SLC26A6: variants seen among roughly 807,000 people sequenced by gnomAD.
The protein encoded by SLC26A6 is anion exchange transporter.
SLC26A6 carries 67 observed loss-of-function variants against 87.1 expected under a neutral mutation model. That is an observed-to-expected ratio of 0.77 (90% CI 0.63 to 0.94). The LOEUF (loss-of-function observed/expected upper bound fraction) is 0.94. Ranked by LOEUF, SLC26A6 falls within the 40% of genes least tolerant of loss-of-function variation. The pLI is 0.00. For missense variants in SLC26A6, 902 were observed against 973.0 expected (o/e 0.93, Z 0.97); for synonymous variants, 414 against 405.9 (o/e 1.02, Z -0.24).
rs1448235682 is a variant in SLC26A6, at chr3:48,633,288, T to C, written c.285A>G (p.Leu95=). ...PVRDWLLGDL[L]SGLSVAIMQL... ...GCATGATGGCCACACTCAGGCCGGA[T>C]AACAGGTCACCCAGGAGCCAGTCAC... The change falls in exon 3 of 21, where the codon TTA becomes TTG. Residue 95 remains leucine, a synonymous_variant. Transcript: ENST00000395550. The C allele has an allele frequency of 6.2e-7, 1 of 1,613,418 alleles. No individual in the cohort carries two copies. Among genetic ancestry groups the C allele is most frequent in the Admixed American group, 1.7e-5 (1 of 60,004 alleles).
chr3:48,631,410 T>C (rs1387550015), intron 7 of SLC26A6, 104 bp from the exon 8 acceptor site: 24 of 1,333,988 alleles, frequency 1.8e-5, no homozygotes, highest in Admixed American at 2.8e-5. Context: ...AAAACCTTCT[T>C]CGAGGGTGGG....
At position 48,626,636 on chromosome 3, in the gene SLC26A6, C is replaced by G. The variant is rs1411574705; in HGVS notation, c.2123G>C (p.Cys708Ser). 3 of 1,614,098 alleles carry G rather than the reference C, an allele frequency of 1.9e-6. No individual in the cohort carries two copies. Among genetic ancestry groups the G allele is most frequent in the African/African-American group, 1.3e-5 (1 of 74,924 alleles). Residue 708 changes from cysteine to serine, a missense_variant, in exon 19 of 21, where the codon TGC (cysteine) becomes TCC (serine). Transcript: ENST00000395550. Reference sequence around the variant, plus strand: ...GCTGTTCCCACCCTACTCACTGTGGCAGGCCGCCATGTACACCTCCACCTC... The same window carrying G: ...GCTGTTCCCACCCTACTCACTGTGGGAGGCCGCCATGTACACCTCCACCTC... ...EIEVEVYMAA[C>S]HSPVVSQLEA... is the part of the protein sequence containing the mutation.
Position 48,625,839 on chromosome 3 carries a change from T to G in SLC26A6, c.*147A>C. 5 of 1,026,176 alleles carry G rather than the reference T, an allele frequency of 4.9e-6. No individual in the cohort carries two copies. Among genetic ancestry groups the G allele is most frequent in the Non-Finnish European group, 5.8e-6 (4 of 692,184 alleles). The allele number at this position is 1,026,176 out of a possible 1,614,324, so 63.6% of individuals were successfully genotyped here. A position where few individuals can be genotyped will look rare whatever the true frequency, so the allele number is the denominator to read the frequency against. On this transcript the variant is annotated 3_prime_UTR_variant, in exon 21 of 21. Coordinates refer to ENST00000395550, the MANE Select transcript of SLC26A6 (RefSeq NM_022911.3). This position sits in a 1 kb window ranked among gnomAD's most constrained non-coding sequence, Gnocchi z 4.7. ...TGTCCCAGACCTGGAGCGCTGAACT[T>G]GGAGTCCCAGGACCTCCTTCCCTGA... is the stretch of plus-strand genomic sequence containing the variant.
intron 1 of SLC26A6, 71 bp from the exon 2 acceptor site, chr3:48,633,706 G>A (rs1327861774): frequency 1.3e-6 from 2 of 1,571,016 alleles, no homozygotes; most frequent in South Asian, 1.2e-5. Context: ...CTCCACCTAG[G>A]ACCAGAGAGT....
chr3:48,630,744 G>A, intron 9 of SLC26A6, 24 bp from the exon 10 acceptor site: 2 of 1,579,292 alleles, frequency 1.3e-6, no homozygotes, highest in African/African-American at 1.3e-5. Flanking sequence ...GTACGGGTGT[G>A]AGAAGACTTC....
Position 48,633,103 on chromosome 3 carries a change from C to A in SLC26A6, c.323-19G>T. 6.2e-7 allele frequency: 1 copy of A among 1,604,090 alleles called. No homozygotes were observed. The highest frequency in any genetic ancestry group is 8.5e-7 in the Non-Finnish European group (1 of 1,174,862). On this transcript the variant is annotated intron_variant, in intron 3 of 20. Transcript: ENST00000395550. ...GCCAAGCCTAGGGGTAGAATGGTAGCAGTGCAGGCCTGGAGAGCAGATCTT... is the reference window on the plus strand; with the variant it reads ...GCCAAGCCTAGGGGTAGAATGGTAGAAGTGCAGGCCTGGAGAGCAGATCTT...
intron 4 of SLC26A6, 97 bp from the exon 5 acceptor site, chr3:48,632,493 G>C: frequency 6.8e-7 from 1 of 1,481,398 alleles, no homozygotes; most frequent in Non-Finnish European, 9.2e-7. Context: ...TTCCAGTTCT[G>C]GATAAATGTA....
chr3:48,630,982 A>G lies in SLC26A6; in HGVS notation c.1134+11T>C. 3 of 1,613,534 alleles carry G rather than the reference A, an allele frequency of 1.9e-6. No individual in the cohort carries two copies. Among genetic ancestry groups the G allele is most frequent in the Non-Finnish European group, 2.5e-6 (3 of 1,179,914 alleles). ...CTTGGATGCCTCCTACACATCCCGC[A>G]TCACCCAGACCTGGTTGCTGTCCAC... On this transcript the variant is annotated intron_variant, in intron 9 of 20. Transcript: ENST00000395550.
chr3:48,631,156 G>C lies in SLC26A6; in HGVS notation c.987-16C>G, dbSNP rs1166608404. ...GGGCACCAGCCTGTGAGAGGTATCTGTGAGGCCAAAGCAAGGTCCTGTCCT... is the reference window on the plus strand; with the variant it reads ...GGGCACCAGCCTGTGAGAGGTATCTCTGAGGCCAAAGCAAGGTCCTGTCCT... On this transcript the variant is annotated splice_polypyrimidine_tract_variant and intron_variant, in intron 8 of 20. Transcript: ENST00000395550. 8 of 1,613,670 alleles carry C rather than the reference G, an allele frequency of 5.0e-6. No homozygotes were observed. Among genetic ancestry groups the C allele is most frequent in the Non-Finnish European group, 6.8e-6 (8 of 1,179,940 alleles).
Position 48,628,162 on chromosome 3 carries a change from G to T in SLC26A6, c.1801-124C>A. On this transcript the variant is annotated intron_variant, in intron 16 of 20. Coordinates refer to ENST00000395550, the MANE Select transcript of SLC26A6 (RefSeq NM_022911.3). The surrounding 1 kb of genome is among the most constrained non-coding windows in gnomAD (Gnocchi z 4.4). ...GGTGGGCCAGGACCAGAAGCTGTGG[G>T]ACCTGCAGCAGCCAGGCTGAAGCTC... is the stretch of plus-strand genomic sequence containing the variant. 1.1e-6 allele frequency: 1 copy of T among 927,992 alleles called. No homozygotes were observed. Among genetic ancestry groups the T allele is most frequent in the Non-Finnish European group, 1.6e-6 (1 of 617,324 alleles). The allele number at this position is 927,992 out of a possible 1,614,324, so 57.5% of individuals were successfully genotyped here.
At chr3:48,635,085 C>T (rs893052276) in intron 1 of SLC26A6, among the ~76,000 whole-genome samples, 4 of 152,234 alleles carry the variant, frequency 2.6e-5, no homozygotes, top group African/African-American at 9.6e-5. Context: ...CCCCCGCCGG[C>T]ACATCTCCTG....
Position 48,631,714 on chromosome 3 carries a change from C to G in SLC26A6, c.838G>C (p.Val280Leu). ...AAVAGVVLVV[V>L]KLLNDKLQQQ... ...TGCAGCTTGTCATTCAACAGCTTCA[C>G]CACCACGAGCACCACCCCAGCCACA... Residue 280 changes from valine to leucine, a missense_variant, in exon 7 of 21, where the codon GTG (valine) becomes CTG (leucine). Val to Leu is a conservative substitution (Grantham distance 32, BLOSUM62 1). Around this residue, in one of 3 missense-constraint regions of SLC26A6, gnomAD observed 800 missense variants for 856.8 expected, o/e 0.93. Coordinates refer to ENST00000395550, the MANE Select transcript of SLC26A6 (RefSeq NM_022911.3). 1 of 1,613,288 alleles carries G rather than the reference C, an allele frequency of 6.2e-7. No homozygotes were observed. The highest frequency in any genetic ancestry group is 1.1e-5 in the South Asian group (1 of 91,090).
chr3:48,626,316 C>T lies in SLC26A6; in HGVS notation c.2167G>A (p.Asp723Asn), dbSNP rs755812703. 22 of 1,613,842 alleles carry T rather than the reference C, an allele frequency of 1.4e-5. No homozygotes were observed. In the South Asian group the frequency reaches 1.5e-4, roughly 11 times the overall value. ...AGATGCTTCTTGGTGATGGATGCAT[C>T]GAAGAAGTGCCCAGCCTCAAGCTGG... ...VSQLEAGHFF[D>N]ASITKKHLFA... The change falls in exon 20 of 21, where the codon GAT (aspartate) becomes AAT (asparagine). Residue 723 changes from aspartate to asparagine, a missense_variant. This residue lies in a region of SLC26A6 where 99 missense variants were observed against 100.1 expected (regional missense o/e 0.99). Coordinates refer to ENST00000395550, the MANE Select transcript of SLC26A6 (RefSeq NM_022911.3).
At position 48,630,844 on chromosome 3, in the gene SLC26A6, TGTCCCACACGTCCTGCTCTCCCACCCTCA is replaced by T. The variant is rs1358155951; in HGVS notation, c.1134+120_1135-125del. The T allele has an allele frequency of 3.1e-5, 46 of 1,496,906 alleles. No homozygotes were observed. The South Asian group carries it at 4.7e-4, about 15-fold the overall frequency. 92.7% of individuals were successfully genotyped at this position (1,496,906 alleles called of 1,614,324 possible). A position where few individuals can be genotyped will look rare whatever the true frequency, so the allele number is the denominator to read the frequency against. On this transcript the variant is annotated intron_variant, in intron 9 of 20. Transcript: ENST00000395550. ...CAAGTGGCCCCCAGAGACTGGATGC[TGTCCCACACGTCCTGCTCTCCCACCCTCA>T]GTCCCCCACGTGGCCTCAGCACATC...
Position 48,631,907 on chromosome 3 carries a change from G to T in SLC26A6, c.723C>A (p.Ser241Arg). The T allele has an allele frequency of 2.5e-6, 4 of 1,613,586 alleles. No individual in the cohort carries two copies. The highest frequency in any genetic ancestry group is 3.4e-6 in the Non-Finnish European group (4 of 1,180,032). The change falls in exon 6 of 21, where the codon AGC (serine) becomes AGA (arginine). Residue 241 changes from serine to arginine, a missense_variant. Ser to Arg is a moderately radical substitution (Grantham distance 110). Transcript: ENST00000395550. ...AGATGAGGGACAGTGGCCCAGAGTG[G>T]CTGCTCAGATGGAGGCCAAACACAT... The part of the protein sequence containing the change: ...LKYVFGLHLS[S>R]HSGPLSLIYT...
At chr3:48,631,466 G>A (rs2046789898) in intron 7 of SLC26A6, 160 bp from the exon 8 acceptor site, 1 of 1,092,576 alleles carries the variant, frequency 9.2e-7, no homozygotes, top group South Asian at 1.6e-5. Flanking sequence ...TTTCGGCTAT[G>A]GGGAGATGCT....
rs1053161320 is a variant in SLC26A6, at chr3:48,631,714, C to A, written c.838G>T (p.Val280Leu). Residue 280 changes from valine (V) to leucine (L), a missense_variant, in exon 7 of 21, where the codon GTG becomes TTG. Around this residue, in one of 3 missense-constraint regions of SLC26A6, gnomAD observed 800 missense variants for 856.8 expected, o/e 0.93. Coordinates refer to ENST00000395550, the MANE Select transcript of SLC26A6 (RefSeq NM_022911.3). The stretch of plus-strand genomic sequence containing the variant: ...TGCAGCTTGTCATTCAACAGCTTCA[C>A]CACCACGAGCACCACCCCAGCCACA... The part of the protein sequence containing the change: ...AAVAGVVLVV[V>L]KLLNDKLQQQ... 4.3e-5 allele frequency: 69 copies of A among 1,613,288 alleles called. 1 individual carries two copies. The highest frequency in any genetic ancestry group is 5.4e-5 in the Non-Finnish European group (64 of 1,180,002).
Position 48,633,579 on chromosome 3 carries a change from C to G in SLC26A6, c.80G>C (p.Arg27Pro). The G allele has an allele frequency of 6.2e-7, 1 of 1,613,560 alleles. No individual in the cohort carries two copies. The highest frequency in any genetic ancestry group is 1.6e-4 in the Middle Eastern group (1 of 6,062). ...SATQAMDLRRRDYHMERPLLN... is the reference protein window; with the variant it reads ...SATQAMDLRRPDYHMERPLLN... The stretch of plus-strand genomic sequence containing the variant: ...CAGCGGCCGTTCCATGTGGTAGTCT[C>G]GCCTCCGCAGGTCCATTGCTTGTGT... Residue 27 changes from arginine (R) to proline (P), a missense_variant, in exon 2 of 21, where the codon CGA (arginine) becomes CCA (proline). Arg to Pro is a moderately radical substitution (Grantham distance 103). Around this residue, in one of 3 missense-constraint regions of SLC26A6, gnomAD observed 800 missense variants for 856.8 expected, o/e 0.93. Transcript: ENST00000395550.
In SLC26A6 at chr3:48,626,430, C is replaced by T. The variant is rs903633460; in HGVS notation, c.2129-76G>A. ...AACTCCCGGGAGCCAACAGAATGCC[C>T]TGACCTCATCACCCCTGACCTCCAC... On this transcript the variant is annotated intron_variant, in intron 19 of 20. Transcript: ENST00000395550. 1.1e-5 allele frequency: 17 copies of T among 1,601,054 alleles called. No individual in the cohort carries two copies. In the South Asian group the frequency reaches 1.3e-4, roughly 13 times the overall value.
Sources: allele counts gnomAD v4.1 joint callset (sites outside exome capture counted in the v4.1 genomes callset), GRCh38; gene constraint gnomAD v4.1.1; regional missense constraint gnomAD v4.1.1; non-coding constraint Gnocchi (gnomAD v3.1); transcripts MANE v1.5; gene names NCBI Gene and HGNC (gene_info 2026-07-23, HGNC 2026-07-21).